CDH16: variants seen among roughly 807,000 people sequenced by gnomAD.
CDH16 encodes cadherin-16.
In CDH16, 79 loss-of-function variants were observed where a neutral mutation model predicts 87.6. That is an observed-to-expected ratio of 0.90 (90% CI 0.75 to 1.09). CDH16 has a LOEUF of 1.09. Ranked by LOEUF, CDH16 falls within the 50% of genes least tolerant of loss-of-function variation. CDH16 has a pLI of 0.00. For missense variants in CDH16, 1,124 were observed against 1,071.7 expected (o/e 1.05, Z -0.68); for synonymous variants, 457 against 439.5 (o/e 1.04, Z -0.50).
Position 66,916,192 on chromosome 16 carries a change from C to A in CDH16, c.297G>T (p.Glu99Asp). 6.2e-7 allele frequency: 1 copy of A among 1,614,266 alleles called. No individual in the cohort carries two copies. Among genetic ancestry groups the A allele is most frequent in the Non-Finnish European group, 8.5e-7 (1 of 1,180,044 alleles). ...QAEYQLQVTL[E>D]MQDGHVLWGP... ...CCCACAAGACATGTCCATCCTGCAT[C>A]TCCAGGGTGACCTGGCAGGGAAGGG... Residue 99 changes from glutamate to aspartate, a missense_variant, in exon 5 of 18, where the codon GAG becomes GAT. Glu to Asp is a conservative substitution (Grantham distance 45). Transcript: ENST00000299752. The surrounding 1 kb of genome is among the most constrained non-coding windows in gnomAD (Gnocchi z 4.1).
Position 66,910,087 on chromosome 16 carries a change from TG to T in CDH16, c.2173del (p.His725MetfsTer17). ...ATGCAGGGCCAAGGTGAGGTAGGCA[TG>T]GGAACCTTTTGGGACAGCAGGCAAA... is the stretch of plus-strand genomic sequence containing the variant. ...DWRLQTLNGS[H>X]AYLTLALHWV... On this transcript the variant is annotated frameshift_variant, in exon 16 of 18. Transcript: ENST00000299752. LOFTEE classifies it high-confidence loss of function. 6.2e-7 allele frequency: 1 copy of T among 1,610,634 alleles called. No homozygotes were observed. The highest frequency in any genetic ancestry group is 8.5e-7 in the Non-Finnish European group (1 of 1,178,150).
chr16:66,917,607 AT>A (rs1192554291), intron 3 of CDH16, 34 bp downstream of exon 3: 2 of 1,494,640 alleles, frequency 1.3e-6, no homozygotes, highest in South Asian at 2.3e-5. Flanking sequence ...GCGGGGAGGG[AT>A]CCCCCCGGCC....
At chr16:66,910,856 C>T (rs1962382145) in intron 14 of CDH16, 3 of 375,728 alleles carry the variant, frequency 8.0e-6, no homozygotes, top group Non-Finnish European at 1.4e-5. Flanking sequence ...GGGGCAGCCC[C>T]TGGTCCTCCT....
At chr16:66,918,108 C>T (rs1962769840) in intron 1 of CDH16, 30 bp from the exon 2 acceptor site, 19 of 1,512,126 alleles carry the variant, frequency 1.3e-5, no homozygotes, top group Non-Finnish European at 1.5e-5. Context: ...GGATCCAGCC[C>T]AGGTGGGTAG....
chr16:66,910,182 G>A (rs1962344435), intron 15 of CDH16, 78 bp downstream of exon 15: 5 of 1,555,634 alleles, frequency 3.2e-6, no homozygotes, highest in Non-Finnish European at 2.6e-6. Flanking sequence ...CACCCCCATG[G>A]TAGAAGGGTA....
At position 66,908,415 on chromosome 16, in the gene CDH16, C is replaced by T. The variant is rs750026002; in HGVS notation, c.2467G>A (p.Val823Met). ...ATTCAGACAGTCGCCTTCAGGGGCA[C>T]GCTGTCTGCTGGTTGATCCGGGTCC... ...KKDPDQPADS[V>M]PLKATV Residue 823 changes from valine to methionine, a missense_variant, in exon 18 of 18, where the codon GTG becomes ATG. Coordinates refer to ENST00000299752, the MANE Select transcript of CDH16 (RefSeq NM_004062.4). 2.7e-5 allele frequency: 44 copies of T among 1,613,894 alleles called. No homozygotes were observed. The highest frequency in any genetic ancestry group is 1.5e-4 in the African/African-American group (11 of 74,922).
At chr16:66,910,181 G>T (rs1962344331) in intron 15 of CDH16, 79 bp downstream of exon 15, 12 of 1,552,690 alleles carry the variant, frequency 7.7e-6, no homozygotes, top group Middle Eastern at 3.5e-4. Flanking sequence ...CCACCCCCAT[G>T]GTAGAAGGGT....
intron 6 of CDH16, 80 bp downstream of exon 6, chr16:66,915,140 A>T (rs757694565): frequency 7.3e-7 from 1 of 1,369,450 alleles, no homozygotes; most frequent in Non-Finnish European, 9.9e-7. Flanking sequence ...GCTCCCACCC[A>T]TGCTTGTCTT....
chr16:66,915,609 T>G (rs959129906), intron 5 of CDH16, among the ~76,000 whole-genome samples: 2 of 152,156 alleles, frequency 1.3e-5, no homozygotes, highest in African/African-American at 4.8e-5. Context: ...TGGTACAGGA[T>G]GGGCCAGGTG....
intron 10 of CDH16, 40 bp downstream of exon 10, chr16:66,912,624 G>C: frequency 6.2e-7 from 1 of 1,614,074 alleles, no homozygotes; most frequent in South Asian, 1.1e-5. Flanking sequence ...GGTAGGAACA[G>C]AGGGGACAGG....
intron 2 of CDH16, 138 bp downstream of exon 2, chr16:66,917,883 T>C: frequency 3.1e-6 from 3 of 974,160 alleles, no homozygotes; most frequent in Non-Finnish European, 4.6e-6. Context: ...CCACAGTGGC[T>C]CTATAGTCCC....
chr16:66,913,629 C>T lies in CDH16; in HGVS notation c.781-16G>A, dbSNP rs541214253. On this transcript the variant is annotated splice_polypyrimidine_tract_variant and intron_variant, in intron 7 of 17. Transcript: ENST00000299752. Reference sequence around the variant, plus strand: ...TCCAGTGTACCTGGGGGGGACACCCCGGGCCAAGGGGCAGGAACAATCCAT... The same window carrying T: ...TCCAGTGTACCTGGGGGGGACACCCTGGGCCAAGGGGCAGGAACAATCCAT... 1.8e-5 allele frequency: 29 copies of T among 1,613,072 alleles called. 1 individual carries two copies. In the South Asian group the frequency reaches 2.4e-4, roughly 13 times the overall value.
Position 66,916,150 on chromosome 16 carries a change from A to G in CDH16, c.339T>C (p.Leu113=). The G allele has an allele frequency of 1.2e-6, 2 of 1,614,240 alleles. No homozygotes were observed. Among genetic ancestry groups the G allele is most frequent in the Non-Finnish European group, 8.5e-7 (1 of 1,180,042 alleles). The change falls in exon 5 of 18, where the codon CTT becomes CTC. Residue 113 remains leucine (L), a synonymous_variant. Coordinates refer to ENST00000299752, the MANE Select transcript of CDH16 (RefSeq NM_004062.4). This position sits in a 1 kb window ranked among gnomAD's most constrained non-coding sequence, Gnocchi z 4.1. ...GGTCATTCTCATCCTTCACGTGCAC[A>G]AGCACAGGCTGTGGACCCCACAAGA... ...GHVLWGPQPV[L]VHVKDENDQV...
At chr16:66,911,112 T>C in intron 14 of CDH16, 70 bp downstream of exon 14, 1 of 1,490,994 alleles carries the variant, frequency 6.7e-7, no homozygotes. Context: ...GGGAGGAAGC[T>C]CAGTCCTGCT....
rs779697931 is a variant in CDH16, at chr16:66,916,417, G to A, written c.142C>T (p.Arg48Cys). The change falls in exon 4 of 18, where the codon CGT (arginine) becomes TGT (cysteine). Residue 48 changes from arginine (R) to cysteine (C), a missense_variant. Physicochemically the swap from Arg to Cys is radical, Grantham distance 180. Transcript: ENST00000299752. The surrounding 1 kb of genome is among the most constrained non-coding windows in gnomAD (Gnocchi z 4.1). Reference sequence around the variant, plus strand: ...ACGATCTGGCCTTCAGCCCCCTCACGGGGCAGCGGCAACTGATGGAAATGA... The same window carrying A: ...ACGATCTGGCCTTCAGCCCCCTCACAGGGCAGCGGCAACTGATGGAAATGA... ...PLYLTKLPLP[R>C]EGAEGQIVLS... 1.6e-5 allele frequency: 26 copies of A among 1,601,608 alleles called. No individual in the cohort carries two copies. In the South Asian group the frequency reaches 1.9e-4, roughly 12 times the overall value.
At position 66,913,215 on chromosome 16, in the gene CDH16, C is replaced by G. The variant is rs758923877; in HGVS notation, c.970G>C (p.Val324Leu). The change falls in exon 9 of 18, where the codon GTG becomes CTG. Residue 324 changes from valine (V) to leucine (L), a missense_variant. Coordinates refer to ENST00000299752, the MANE Select transcript of CDH16 (RefSeq NM_004062.4). ...EDYAAPLELH[V>L]LVMDENDNVP... is the part of the protein sequence containing the mutation. ...TTGTCATTCTCATCCATCACCAGCA[C>G]GTGCAGCTCCAGAGGGGCCGCATAG... is the stretch of plus-strand genomic sequence containing the variant. 26 of 1,595,956 alleles carry G rather than the reference C, an allele frequency of 1.6e-5. No individual in the cohort carries two copies. The Middle Eastern group carries it at 2.7e-3, about 165-fold the overall frequency.
Position 66,914,234 on chromosome 16 carries a change from G to T in CDH16, c.762C>A (p.Tyr254Ter). 6.2e-7 allele frequency: 1 copy of T among 1,614,130 alleles called. No homozygotes were observed. The highest frequency in any genetic ancestry group is 8.5e-7 in the Non-Finnish European group (1 of 1,179,966). Reference protein sequence around the residue: ...IHLAENLKVLYPHHMAQVHWS... With the variant: ...IHLAENLKVL The stretch of plus-strand genomic sequence containing the variant: ...TACTCACCTGGGCCATGTGGTGCGG[G>T]TATAGGACTTTGAGATTCTCTGCCA... The change falls in exon 7 of 18, where the codon TAC becomes TAA. Residue 254 changes from tyrosine (Y) to a stop codon, truncating the protein, a stop_gained. Coordinates refer to ENST00000299752, the MANE Select transcript of CDH16 (RefSeq NM_004062.4). LOFTEE classifies it high-confidence loss of function.
rs1962353186 is a variant in CDH16 at position 66,910,323 on chromosome 16, A to G, written c.2104T>C (p.Tyr702His). The change falls in exon 15 of 18, where the codon TAC (tyrosine) becomes CAC (histidine). Residue 702 changes from tyrosine to histidine, a missense_variant. Physicochemically the swap from Tyr to His is moderately conservative, Grantham distance 83. Transcript: ENST00000299752. ...GGGTTGGGACCAAGGGTGAAGCTGT[A>G]GGGACCGTGCCCACTGGCCAGATCG... is the stretch of plus-strand genomic sequence containing the variant. ...DPDLASGHGP[Y>H]SFTLGPNPTV... 1.2e-6 allele frequency: 2 copies of G among 1,613,694 alleles called. No homozygotes were observed. Among genetic ancestry groups the G allele is most frequent in the Admixed American group, 1.7e-5 (1 of 59,954 alleles).
At chr16:66,914,066 A>G in intron 7 of CDH16, 150 bp downstream of exon 7, 1 of 666,522 alleles carries the variant, frequency 1.5e-6, no homozygotes, top group Non-Finnish European at 2.5e-6. Context: ...GGCCTTGAAC[A>G]CCCCAGTCCA....
Sources: gnomAD v4.1 joint callset for allele counts (sites outside exome capture counted in the v4.1 genomes callset) on GRCh38, gnomAD v4.1.1 for gene constraint, Gnocchi (gnomAD v3.1) non-coding constraint, MANE v1.5 for transcripts, NCBI Gene and HGNC (gene_info 2026-07-23, HGNC 2026-07-21) for gene names.